The following MAP4K4 variants were observed in gnomAD, a reference collection of about 807,000 sequenced individuals.
MAP4K4 encodes the protein HPK/GCK-like kinase HGK.
In MAP4K4, 38 loss-of-function variants were observed where a neutral mutation model predicts 189.6. The ratio of observed to expected loss-of-function variants is 0.20; its 90% CI spans 0.15 to 0.26. The LOEUF is 0.26. Ranked by LOEUF, MAP4K4 falls within the 10% of genes least tolerant of loss-of-function variation. The probability of loss-of-function intolerance (pLI) is 1.00; values close to 1 mark genes in which losing one functional copy is unlikely to be tolerated. For missense variants in MAP4K4, 1,054 were observed against 1,726.9 expected (o/e 0.61, Z 6.91); for synonymous variants, 610 against 624.3 (o/e 0.98, Z 0.34).
intron 3 of MAP4K4, among the ~76,000 whole-genome samples, chr2:101,792,629 T>TCCTCC (rs1558948672): frequency 8.8e-5 from 13 of 148,184 alleles, no homozygotes; most frequent in African/African-American, 2.3e-4. Flanking sequence ...CTCCTCCTCC[T>TCCTCC]TCTTCTTTCT....
chr2:101,779,696 C>G (rs191225416), intron 2 of MAP4K4, among the ~76,000 whole-genome samples: 145 of 151,936 alleles, frequency 9.5e-4, no homozygotes, highest in African/African-American at 3.4e-3. Context: ...CATGAGAGTG[C>G]TCTGGCTTTG....
rs562340178 is a variant in MAP4K4 at position 101,702,805 on chromosome 2, G to A, written c.123+4267G>A. ...TACAATGTGGACCTTGGAGATTGAG[G>A]ACAAGGGTACCCTAGGCCCAAAGAC... On this transcript the variant is annotated intron_variant, in intron 2 of 32. Coordinates refer to ENST00000324219, the Ensembl canonical transcript of MAP4K4. 4.4e-4 allele frequency among the ~76,000 whole-genome samples: 67 copies of A among 152,286 alleles called. 1 individual carries two copies. The highest frequency in any genetic ancestry group is 6.8e-4 in the Non-Finnish European group (46 of 68,024).
chr2:101,864,998 G>A (rs1282437107), exon 18 of MAP4K4: 1 of 1,575,070 alleles, frequency 6.3e-7, no homozygotes, highest in Non-Finnish European at 8.6e-7. Flanking sequence ...AGGGCAGTGG[G>A]CAGCAGAATA....
chr2:101,864,195 A>G, intron 17 of MAP4K4, 144 bp downstream of exon 17: 4 of 351,430 alleles, frequency 1.1e-5, no homozygotes, highest in Non-Finnish European at 2.1e-5. Flanking sequence ...ACTGGTGAGG[A>G]TAAAGTTCCA....
chr2:101,892,703 T>G (rs946453682), exon 33 of MAP4K4: 25 of 342,536 alleles, frequency 7.3e-5, no homozygotes, highest in African/African-American at 4.7e-4. Flanking sequence ...AAGTCCTGGC[T>G]TTTCTCGTTT....
intron 2 of MAP4K4, among the ~76,000 whole-genome samples, chr2:101,777,273 A>T (rs2084710376): frequency 6.6e-6 from 1 of 152,236 alleles, no homozygotes; most frequent in African/African-American, 2.4e-5. Flanking sequence ...GGACATGCCC[A>T]CAGAGAGTCC....
At chr2:101,817,607 G>A (rs1032953313) in intron 3 of MAP4K4, among the ~76,000 whole-genome samples, 1 of 152,196 alleles carries the variant, frequency 6.6e-6, no homozygotes, top group Non-Finnish European at 1.5e-5. Flanking sequence ...GTGGCACTTT[G>A]TAGAAGATGG....
rs1408415051 is a variant in MAP4K4, at chr2:101,887,256, T to C, written c.3771+19T>C. The C allele has an allele frequency of 2.5e-6, 4 of 1,592,952 alleles. No homozygotes were observed. The highest frequency in any genetic ancestry group is 3.4e-6 in the Non-Finnish European group (4 of 1,172,958). ...AACACATGTAAGAAAGAACCCACAC[T>C]CTATGGTTGGTTGACTGGCTTCATT... On this transcript the variant is annotated intron_variant, in intron 30 of 32. Coordinates refer to ENST00000324219, the Ensembl canonical transcript of MAP4K4.
intron 3 of MAP4K4, among the ~76,000 whole-genome samples, chr2:101,816,121 A>G (rs1263655884): frequency 1.3e-5 from 2 of 152,190 alleles, no homozygotes; most frequent in East Asian, 1.9e-4. Flanking sequence ...TTCTCAGGGC[A>G]GTAAGCTGGA....
chr2:101,740,877 T>C (rs1168826471), intron 2 of MAP4K4, among the ~76,000 whole-genome samples: 1 of 152,194 alleles, frequency 6.6e-6, no homozygotes. Context: ...TTTCTGTAGC[T>C]AACAATAGTA....
rs953092759 is a variant in MAP4K4 at position 101,808,672 on chromosome 2, C to T, written c.181-15256C>T. Among the ~76,000 whole-genome samples the T allele has an allele frequency of 2.7e-5, 4 of 150,048 alleles. No individual in the cohort carries two copies. The South Asian group carries it at 6.3e-4, about 24-fold the overall frequency. On this transcript the variant is annotated intron_variant, in intron 3 of 32. Transcript: ENST00000324219. ...AATTATATTTCTTAATTTTTACTTT[C>T]TATGAAATATAATTATTCCAGGGAT...
At chr2:101,871,017 T>C (rs1186429760) in intron 23 of MAP4K4, among the ~76,000 whole-genome samples, 1 of 152,222 alleles carries the variant, frequency 6.6e-6, no homozygotes, top group Non-Finnish European at 1.5e-5. Flanking sequence ...AGCTTAGACT[T>C]AATTAAAGTG....
At chr2:101,718,753 C>T (rs2050023546) in intron 2 of MAP4K4, among the ~76,000 whole-genome samples, 1 of 152,128 alleles carries the variant, frequency 6.6e-6, no homozygotes, top group Admixed American at 6.5e-5. Context: ...CTCTAATGTG[C>T]ACTCAGTCAT....
intron 5 of MAP4K4, among the ~76,000 whole-genome samples, chr2:101,827,088 T>A (rs2096395918): frequency 6.6e-6 from 1 of 152,226 alleles, no homozygotes; most frequent in African/African-American, 2.4e-5. Flanking sequence ...AAGCATTGTT[T>A]ACCTATCATA....
intron 3 of MAP4K4, among the ~76,000 whole-genome samples, chr2:101,801,223 T>A (rs1337887963): frequency 6.6e-6 from 1 of 152,120 alleles, no homozygotes; most frequent in South Asian, 2.1e-4. Flanking sequence ...GAAAAGAATG[T>A]TGTGTTGGAG....
chr2:101,743,299 ATT>A (rs1047513278), intron 2 of MAP4K4, among the ~76,000 whole-genome samples: 6 of 152,118 alleles, frequency 3.9e-5, no homozygotes, highest in African/African-American at 1.4e-4. Flanking sequence ...GGGGGTTTAC[ATT>A]TGGTAAGCAA....
At chr2:101,879,855 G>T (rs1309002879) in intron 27 of MAP4K4, among the ~76,000 whole-genome samples, 4 of 143,064 alleles carry the variant, frequency 2.8e-5, no homozygotes, top group Non-Finnish European at 4.6e-5. Context: ...TTTTTAAGTA[G>T]ACTTTTTCTA....
At position 101,869,762 on chromosome 2, in the gene MAP4K4, C is replaced by T. The variant is rs924712942; in HGVS notation, c.2604C>T (p.Asp868=). The T allele has an allele frequency of 8.8e-6, 14 of 1,583,860 alleles. No individual in the cohort carries two copies. The East Asian group carries it at 1.8e-4, about 21-fold the overall frequency. Residue 868 remains aspartate (D), a synonymous_variant, in exon 22 of 33, where the codon GAC becomes GAT. Transcript: ENST00000324219. ...ACGATGTGGAGCAGGAAGGGGCTGA[C>T]GAGTCCACCTCAGGACCAGAGGACA...
chr2:101,719,639 C>T (rs2050523981), intron 2 of MAP4K4, among the ~76,000 whole-genome samples: 1 of 152,162 alleles, frequency 6.6e-6, no homozygotes, highest in Non-Finnish European at 1.5e-5. Flanking sequence ...TATGTGGTCT[C>T]TCTTGCACCT....
Sources: allele counts gnomAD v4.1 joint callset (sites outside exome capture counted in the v4.1 genomes callset), GRCh38; gene constraint gnomAD v4.1.1; transcripts MANE v1.5; gene names NCBI Gene and HGNC (gene_info 2026-07-23, HGNC 2026-07-21).